Variants in KCNH8 observed in about 807,000 individuals in gnomAD.
The protein encoded by KCNH8 is voltage-gated delayed rectifier potassium channel KCNH8.
KCNH8 carries 70 observed loss-of-function variants against 103.6 expected under a neutral mutation model. The ratio of observed to expected loss-of-function variants is 0.68; its 90% CI spans 0.56 to 0.82. The LOEUF is 0.82. Among genes scored for constraint, KCNH8 ranks in the 40% least tolerant of loss-of-function variants. KCNH8 has a pLI of 0.00. For synonymous variants in KCNH8, 498 were observed against 489.4 expected, an observed-to-expected ratio of 1.02 and a Z score of -0.23; for missense variants, 1,217 against 1,329.9, an observed-to-expected ratio of 0.92 and a Z score of 1.32.
At chr3:19,229,481 C>A (rs2063968613) in intron 1 of KCNH8, among the ~76,000 whole-genome samples, 1 of 152,236 alleles carries the variant, frequency 6.6e-6, no homozygotes, top group Non-Finnish European at 1.5e-5. Flanking sequence ...AGGCTAGGGG[C>A]TTGCACCCTC....
At chr3:19,266,531 C>T (rs1407089177) in intron 2 of KCNH8, among the ~76,000 whole-genome samples, 1 of 152,080 alleles carries the variant, frequency 6.6e-6, no homozygotes, top group African/African-American at 2.4e-5. Flanking sequence ...GTAGGCACCA[C>T]CTTGTGTTAT....
intron 6 of KCNH8, chr3:19,391,754 A>C (rs982433827): frequency 6.6e-6 from 1 of 152,010 alleles, no homozygotes; most frequent in African/African-American, 2.4e-5. Context: ...GAAAGCTCCC[A>C]GGAAAAATCT....
chr3:19,231,032 T>A (rs902131256), intron 1 of KCNH8, among the ~76,000 whole-genome samples: 1 of 152,146 alleles, frequency 6.6e-6, no homozygotes, highest in Non-Finnish European at 1.5e-5. Flanking sequence ...ACATACTATA[T>A]CCAATTATGT....
intron 3 of KCNH8, among the ~76,000 whole-genome samples, chr3:19,287,666 A>C (rs578259639): frequency 6.6e-6 from 1 of 151,932 alleles, no homozygotes; most frequent in Non-Finnish European, 1.5e-5. Flanking sequence ...GCTCACTGCA[A>C]CCTCCACCTC....
At chr3:19,182,721 C>T (rs188088542) in intron 1 of KCNH8, among the ~76,000 whole-genome samples, 187 of 152,262 alleles carry the variant, frequency 1.2e-3, no homozygotes, top group Admixed American at 4.7e-3. Flanking sequence ...TATATTCTGC[C>T]TTATGAGTGA....
At chr3:19,433,830 G>A (rs559844646) in intron 7 of KCNH8, among the ~76,000 whole-genome samples, 22 of 152,138 alleles carry the variant, frequency 1.4e-4, no homozygotes, top group East Asian at 9.6e-4. Context: ...ACTAAATGCC[G>A]TTACGGCTTT....
intron 2 of KCNH8, among the ~76,000 whole-genome samples, chr3:19,258,253 A>G (rs751455966): frequency 4.6e-5 from 7 of 152,050 alleles, no homozygotes; most frequent in Non-Finnish European, 1.0e-4. Context: ...GCCCAAGATT[A>G]CAAACTAGTA....
rs759222860 is a variant in KCNH8, at chr3:19,513,032, AGAGGAGGAG to A, written c.2147_2155del (p.Glu716_Glu718del). 1 of 1,613,580 alleles carries A rather than the reference AGAGGAGGAG, an allele frequency of 6.2e-7. No homozygotes were observed. Among genetic ancestry groups the A allele is most frequent in the South Asian group, 1.1e-5 (1 of 91,062 alleles). On this transcript the variant is annotated inframe_deletion, in exon 13 of 16. Transcript: ENST00000328405. ...TCCCATCCATTGTGGAAGATGAGGAAGAGGAGGAGGAGGGGGAGGAAGAGGAGGCAGTCT... is the reference window on the plus strand; with the variant it reads ...TCCCATCCATTGTGGAAGATGAGGAAGAGGGGGAGGAAGAGGAGGCAGTCT...
At chr3:19,500,613 C>A (rs954202899) in intron 11 of KCNH8, among the ~76,000 whole-genome samples, 1 of 152,132 alleles carries the variant, frequency 6.6e-6, no homozygotes, top group African/African-American at 2.4e-5. Flanking sequence ...AACTAGAATT[C>A]AGGATTAAGA....
In KCNH8 at chr3:19,305,603, A is replaced by C. The variant is rs1321595660; in HGVS notation, c.442+24274A>C. Among the ~76,000 whole-genome samples the C allele has an allele frequency of 2.0e-5, 3 of 152,244 alleles. No homozygotes were observed. The East Asian group carries it at 5.8e-4, about 29-fold the overall frequency. ...ACCTATTGAGAGAAAATTCACACAC[A>C]ATTGGAGAAGACTTTGGATTTTTAT... On this transcript the variant is annotated intron_variant, in intron 3 of 15. Coordinates refer to ENST00000328405, the MANE Select transcript of KCNH8 (RefSeq NM_144633.3).
intron 3 of KCNH8, among the ~76,000 whole-genome samples, chr3:19,340,345 ATTTTT>A (rs143924691): frequency 6.9e-6 from 1 of 144,898 alleles, no homozygotes; most frequent in Non-Finnish European, 1.5e-5. Context: ...TATTTTTTTT[ATTTTT>A]TTTTTAATTT....
At chr3:19,523,591 C>T (rs776447807) in intron 15 of KCNH8, among the ~76,000 whole-genome samples, 8 of 151,854 alleles carry the variant, frequency 5.3e-5, no homozygotes, top group Non-Finnish European at 1.0e-4. Flanking sequence ...TGGCTGTTTT[C>T]CATTTGAAGC....
chr3:19,459,089 A>G (rs1020037813), intron 11 of KCNH8, among the ~76,000 whole-genome samples: 2 of 152,036 alleles, frequency 1.3e-5, no homozygotes, highest in Admixed American at 6.6e-5. Context: ...TAAGATACTG[A>G]TTTCATTCCT....
intron 3 of KCNH8, among the ~76,000 whole-genome samples, chr3:19,324,558 A>C (rs564639011): frequency 3.3e-5 from 5 of 152,170 alleles, no homozygotes; most frequent in Admixed American, 6.5e-5. Flanking sequence ...ACACAGAATC[A>C]AACCTTACCA....
At chr3:19,437,498 G>A in intron 7 of KCNH8, among the ~76,000 whole-genome samples, 1 of 152,078 alleles carries the variant, frequency 6.6e-6, no homozygotes, top group East Asian at 1.9e-4. Flanking sequence ...AAAACAGTTT[G>A]TAGAGGGGCT....
At chr3:19,528,246 CA>C (rs1436918564) in intron 15 of KCNH8, among the ~76,000 whole-genome samples, 1 of 151,988 alleles carries the variant, frequency 6.6e-6, no homozygotes, top group East Asian at 1.9e-4. Flanking sequence ...ATCAGGGATG[CA>C]AAATGTTAGC....
chr3:19,429,636 G>A (rs1289566169), intron 7 of KCNH8, among the ~76,000 whole-genome samples: 1 of 152,078 alleles, frequency 6.6e-6, no homozygotes, highest in Non-Finnish European at 1.5e-5. Flanking sequence ...AGGTAAACTT[G>A]TTTCATGCGA....
chr3:19,247,457 A>G (rs979435484), intron 1 of KCNH8, among the ~76,000 whole-genome samples: 7 of 152,230 alleles, frequency 4.6e-5, no homozygotes, highest in African/African-American at 1.7e-4. Context: ...CAAGGGATAC[A>G]AACGTTGTCT....
chr3:19,501,297 C>T (rs577939168), intron 11 of KCNH8, among the ~76,000 whole-genome samples: 17 of 152,108 alleles, frequency 1.1e-4, no homozygotes, highest in African/African-American at 3.1e-4. Context: ...AGCTTACCAA[C>T]GAAAAAGAGT....
Sources: allele counts gnomAD v4.1 joint callset (sites outside exome capture counted in the v4.1 genomes callset), GRCh38; gene constraint gnomAD v4.1.1; transcripts MANE v1.5; gene names NCBI Gene and HGNC (gene_info 2026-07-23, HGNC 2026-07-21).